PSPC1: variants seen among roughly 807,000 people sequenced by gnomAD.
PSPC1 encodes the protein paraspeckle component 1.
A neutral mutation model predicts 51.6 loss-of-function variants in PSPC1; 14 were observed. The ratio of observed to expected loss-of-function variants is 0.27; its 90% CI spans 0.18 to 0.42. The LOEUF is 0.42. PSPC1 is among the 10% of genes least tolerant of loss of function. The pLI is 1.00. For missense variants in PSPC1, 406 were observed against 701.1 expected (o/e 0.58, Z 4.75); for synonymous variants, 193 against 231.9 (o/e 0.83, Z 1.53).
Position 19,702,750 on chromosome 13 carries a change from C to T in PSPC1, c.*425G>A, listed in dbSNP as rs1413369812. On this transcript the variant is annotated 3_prime_UTR_variant, in exon 9 of 9. Transcript: ENST00000338910. ...AAGCTTCTATCTTTAGTGCTACTTG[C>T]GCAAATTAAAAAGCAAAATCATTTT... The T allele has an allele frequency of 2.4e-5, 4 of 166,844 alleles. No homozygotes were observed. Among genetic ancestry groups the T allele is most frequent in the South Asian group, 1.5e-4 (1 of 6,798 alleles). The allele number at this position is 166,844 out of a possible 1,614,324, so 10.3% of individuals were successfully genotyped here.
chr13:19,718,987 G>C (rs1882449831), intron 6 of PSPC1, among the ~76,000 whole-genome samples: 1 of 152,104 alleles, frequency 6.6e-6, no homozygotes, highest in Admixed American at 6.6e-5. Flanking sequence ...TAGAGAAGCA[G>C]AGCACAGATT....
At chr13:19,692,535 GATAATAT>G (rs1331453052) in intron 6 of PSPC1, among the ~76,000 whole-genome samples, 3 of 152,174 alleles carry the variant, frequency 2.0e-5, no homozygotes, top group Non-Finnish European at 2.9e-5. Flanking sequence ...GGTCCTGTGA[GATAATAT>G]ATTTACCAGG....
intron 1 of PSPC1, among the ~76,000 whole-genome samples, chr13:19,772,934 G>A (rs1203685432): frequency 6.6e-6 from 1 of 152,076 alleles, no homozygotes; most frequent in Non-Finnish European, 1.5e-5. Context: ...GGCTGAGGCG[G>A]GCGGATCACC....
rs566212285 is a variant in PSPC1 at position 19,763,820 on chromosome 13, G to GT, written c.675-4403dup. ...GTTTGAGACCAGCCTGGCCAACATG[G>GT]TAAAACCCCATCTCTACTAATACAA... On this transcript the variant is annotated intron_variant, in intron 2 of 8. Coordinates refer to ENST00000338910, the MANE Select transcript of PSPC1 (RefSeq NM_001354909.2). 2.9e-4 allele frequency among the ~76,000 whole-genome samples: 44 copies of GT among 152,188 alleles called. No homozygotes were observed. In the East Asian group the frequency reaches 7.7e-3, roughly 27 times the overall value.
At chr13:19,690,540 T>C (rs1422379347) in intron 6 of PSPC1, among the ~76,000 whole-genome samples, 1 of 152,228 alleles carries the variant, frequency 6.6e-6, no homozygotes, top group Non-Finnish European at 1.5e-5. Flanking sequence ...AGAAAAAGCC[T>C]ACTTTCCTGG....
At chr13:19,696,367 CT>C (rs1353859839) in intron 6 of PSPC1, among the ~76,000 whole-genome samples, 1 of 152,116 alleles carries the variant, frequency 6.6e-6, no homozygotes, top group Non-Finnish European at 1.5e-5. Flanking sequence ...GTGACTGTTT[CT>C]TTGCACTGGT....
intron 1 of PSPC1, among the ~76,000 whole-genome samples, chr13:19,781,302 C>T (rs1032177959): frequency 6.6e-6 from 1 of 152,086 alleles, no homozygotes; most frequent in Non-Finnish European, 1.5e-5. Context: ...CAGGCGCGCA[C>T]CACCACGCCC....
chr13:19,752,679 G>A (rs867901136), intron 3 of PSPC1, among the ~76,000 whole-genome samples: 5 of 151,780 alleles, frequency 3.3e-5, no homozygotes, highest in East Asian at 1.9e-4. Context: ...TTCGCCTCCC[G>A]GGTTCGCACC....
intron 6 of PSPC1, among the ~76,000 whole-genome samples, chr13:19,713,982 C>T (rs1881776617): frequency 6.6e-6 from 1 of 152,222 alleles, no homozygotes; most frequent in Admixed American, 6.5e-5. Context: ...ATAGCACAAG[C>T]CAAGAGACTT....
chr13:19,722,041 C>T (rs1882833764), intron 6 of PSPC1, among the ~76,000 whole-genome samples: 1 of 152,178 alleles, frequency 6.6e-6, no homozygotes, highest in Non-Finnish European at 1.5e-5. Context: ...AAAAACAAGA[C>T]TTCAAACAGC....
rs1179494739 is a variant in PSPC1, at chr13:19,768,951, G to A, written c.674+3291C>T. On this transcript the variant is annotated intron_variant, in intron 2 of 8. Coordinates refer to ENST00000338910, the MANE Select transcript of PSPC1 (RefSeq NM_001354909.2). ...GGAGTTCCTGACCAGCCTAGCCAAC[G>A]TGGCGAAACCCCATCTCTACTGCAA... is the stretch of plus-strand genomic sequence containing the variant. 2.7e-5 allele frequency among the ~76,000 whole-genome samples: 4 copies of A among 147,436 alleles called. No individual in the cohort carries two copies. In the East Asian group the frequency reaches 6.0e-4, roughly 22 times the overall value.
intron 6 of PSPC1, chr13:19,677,977 G>A (rs1441977696): frequency 1.2e-5 from 4 of 329,542 alleles, no homozygotes; most frequent in Non-Finnish European, 2.4e-5. Context: ...CATTCAGTAA[G>A]GATTTTCTTT....
chr13:19,745,524 TCTAAC>T (rs1885879134), intron 4 of PSPC1, among the ~76,000 whole-genome samples: 1 of 152,182 alleles, frequency 6.6e-6, no homozygotes. Flanking sequence ...TAACTTCTGA[TCTAAC>T]AATTTTATTT....
chr13:19,742,598 G>A (rs1466641289), intron 4 of PSPC1, among the ~76,000 whole-genome samples: 2 of 152,164 alleles, frequency 1.3e-5, no homozygotes, highest in Non-Finnish European at 2.9e-5. Context: ...AATTAGCTGG[G>A]TATGGAGGTG....
At chr13:19,703,839 C>G (rs1413319692) in intron 8 of PSPC1, among the ~76,000 whole-genome samples, 1 of 152,090 alleles carries the variant, frequency 6.6e-6, no homozygotes, top group Non-Finnish European at 1.5e-5. Context: ...ATAGAAAGCA[C>G]TAATACAAAC....
Position 19,703,307 on chromosome 13 carries a change from C to G in PSPC1, c.1440G>C (p.Gly480=). 6.2e-7 allele frequency: 1 copy of G among 1,613,786 alleles called. No individual in the cohort carries two copies. The highest frequency in any genetic ancestry group is 8.5e-7 in the Non-Finnish European group (1 of 1,179,684). The change falls in exon 9 of 9, where the codon GGG becomes GGC. Residue 480 remains glycine (G), a synonymous_variant. Transcript: ENST00000338910. ...GPPSQMGSPM[G]SRTGSETPQA... is the part of the protein sequence containing the mutation. Reference sequence around the variant, plus strand: ...GAGGGGTTTCAGAACCTGTTCTACTCCCCATAGGTGAACCCATCTGAGATG... The same window carrying G: ...GAGGGGTTTCAGAACCTGTTCTACTGCCCATAGGTGAACCCATCTGAGATG...
intron 5 of PSPC1, among the ~76,000 whole-genome samples, chr13:19,733,786 A>AAATAT (rs1555237785): frequency 1.4e-5 from 2 of 141,790 alleles, no homozygotes; most frequent in South Asian, 4.5e-4. Flanking sequence ...AAGAAAAAAA[A>AAATAT]ATATATATAT....
chr13:19,766,510 T>A (rs9508882), intron 2 of PSPC1, among the ~76,000 whole-genome samples: 2 of 151,836 alleles, frequency 1.3e-5, no homozygotes, highest in East Asian at 3.9e-4. Context: ...CTGGGCCACA[T>A]GGCGAAAATA....
At chr13:19,675,402 G>GAT (rs1292509207) in intron 7 of PSPC1, 2 of 152,160 alleles carry the variant, frequency 1.3e-5, no homozygotes, top group African/African-American at 4.8e-5. Flanking sequence ...GTAACATCTT[G>GAT]ATTTAATTTA....
Sources: gnomAD v4.1 joint callset for allele counts (sites outside exome capture counted in the v4.1 genomes callset) on GRCh38, gnomAD v4.1.1 for gene constraint, MANE v1.5 for transcripts, NCBI Gene and HGNC (gene_info 2026-07-23, HGNC 2026-07-21) for gene names.